Variants in ZNF182 observed in about 807,000 individuals in gnomAD.
The protein encoded by ZNF182 is zinc finger protein 21 (KOX 14).
In ZNF182, 10 loss-of-function variants were observed where a neutral mutation model predicts 28.1. The observed-to-expected ratio is 0.36, with a 90% confidence interval of 0.22 to 0.60. The LOEUF is 0.60. ZNF182 is among the 20% of genes least tolerant of loss of function. ZNF182 has a pLI of 0.75. For synonymous variants in ZNF182, 156 were observed against 158.7 expected (o/e 0.98, Z 0.13); for missense variants, 352 against 453.2 (o/e 0.78, Z 2.03).
At chrX:47,985,769 A>C (rs2058921360) in intron 3 of ZNF182, among the ~76,000 whole-genome samples, 1 of 110,913 alleles carries the variant, frequency 9.0e-6, no homozygotes, top group African/African-American at 3.3e-5. Context: ...TGTTCCTGCA[A>C]CATTATGTTC....
intron 3 of ZNF182, among the ~76,000 whole-genome samples, chrX:47,992,659 C>T (rs782422808): frequency 2.2e-4 from 25 of 111,510 alleles, no homozygotes; most frequent in Non-Finnish European, 4.3e-4. Context: ...CTCTGTGTCC[C>T]GTTGGCCCTG....
At chrX:47,999,565 G>A (rs1213434972) in intron 3 of ZNF182, among the ~76,000 whole-genome samples, 1 of 109,553 alleles carries the variant, frequency 9.1e-6, no homozygotes, top group African/African-American at 3.3e-5. Flanking sequence ...GGGAAGGGTT[G>A]CGGGGTGGGT....
intron 3 of ZNF182, among the ~76,000 whole-genome samples, chrX:47,993,971 T>C (rs1031636377): frequency 1.2e-4 from 13 of 111,568 alleles, no homozygotes; most frequent in Admixed American, 1.9e-4. Context: ...ACAAGAGTAT[T>C]TGAAGAAATA....
At chrX:47,978,734 A>C (rs975787132) in intron 5 of ZNF182, among the ~76,000 whole-genome samples, 7 of 112,427 alleles carry the variant, frequency 6.2e-5, no homozygotes, top group African/African-American at 2.3e-4. Flanking sequence ...GAATCTAGAT[A>C]ACTTTCAAGA....
At position 48,003,560 on chromosome X, in the gene ZNF182, G is replaced by C. The variant is rs1424696514; in HGVS notation, c.-97C>G. ...CGGAAAGAGGCCTTCGGGTGCGGGG[G>C]TGCAGGTTCACTTCGGCCGGAGCAT... is the stretch of plus-strand genomic sequence containing the variant. On this transcript the variant is annotated 5_prime_UTR_variant, in exon 2 of 6. Coordinates refer to ENST00000376943, the MANE Select transcript of ZNF182 (RefSeq NM_001007088.2). 1 of 110,902 alleles carries C rather than the reference G, an allele frequency of 9.0e-6. No homozygotes were observed. The highest frequency in any genetic ancestry group is 9.6e-5 in the Admixed American group (1 of 10,453). 9.1% of individuals were successfully genotyped at this position (110,902 alleles called of 1,213,427 possible).
At chrX:47,991,005 AATG>A (rs1210226983) in intron 3 of ZNF182, among the ~76,000 whole-genome samples, 1 of 111,901 alleles carries the variant, frequency 8.9e-6, no homozygotes, top group African/African-American at 3.3e-5. Flanking sequence ...ATAAAAGAAA[AATG>A]ATGGTTTATG....
Position 47,977,635 on chromosome X carries a change from A to G in ZNF182, c.395T>C (p.Val132Ala). ...TTTATCGGGTCTTTGTATTGAAGCA[A>G]CAAGGTTTGTACTCAGATGAAGTAT... Reference protein sequence around the residue: ...GNILHLSTNLVASIQRPDKHE... With the variant: ...GNILHLSTNLAASIQRPDKHE... Residue 132 changes from valine (V) to alanine (A), a missense_variant, in exon 6 of 6, where the codon GTT (valine) becomes GCT (alanine). Coordinates refer to ENST00000376943, the MANE Select transcript of ZNF182 (RefSeq NM_001007088.2). The G allele has an allele frequency of 8.3e-7, 1 of 1,211,136 alleles. No homozygotes were observed. Among genetic ancestry groups the G allele is most frequent in the Non-Finnish European group, 1.1e-6 (1 of 894,931 alleles).
At chrX:47,980,651 T>C (rs933262169) in intron 5 of ZNF182, among the ~76,000 whole-genome samples, 10 of 111,626 alleles carry the variant, frequency 9.0e-5, no homozygotes, top group African/African-American at 3.3e-4. Flanking sequence ...TATATATTCT[T>C]ATAGGCTCAT....
At chrX:47,988,480 C>A in intron 3 of ZNF182, 1 of 451,388 alleles carries the variant, frequency 2.2e-6, no homozygotes, top group Non-Finnish European at 4.0e-6. Context: ...GAGTCTGGTG[C>A]CTCCCTCCCC....
intron 3 of ZNF182, among the ~76,000 whole-genome samples, chrX:47,998,317 G>A (rs1415021823): frequency 8.2e-5 from 9 of 110,158 alleles, no homozygotes; most frequent in South Asian, 7.7e-4. Context: ...ATCATGAGTC[G>A]GAAACCCAAA....
At chrX:47,983,530 T>C in intron 3 of ZNF182, 119 bp from the exon 4 acceptor site, 1 of 806,234 alleles carries the variant, frequency 1.2e-6, no homozygotes, top group Middle Eastern at 3.0e-4. Context: ...TGGATGCCTA[T>C]TTCATATCAA....
At chrX:47,979,663 T>G (rs1308886158) in intron 5 of ZNF182, among the ~76,000 whole-genome samples, 1 of 111,589 alleles carries the variant, frequency 9.0e-6, no homozygotes, top group Admixed American at 9.6e-5. Flanking sequence ...CTATTATGAC[T>G]TTTAAGAATC....
intron 3 of ZNF182, among the ~76,000 whole-genome samples, chrX:47,987,772 A>G (rs1556899967): frequency 8.9e-6 from 1 of 112,282 alleles, no homozygotes; most frequent in East Asian, 2.8e-4. Flanking sequence ...ACAATGCCCC[A>G]GCAGCAATGA....
chrX:47,979,866 GGTGTGT>G (rs56350180), intron 5 of ZNF182, among the ~76,000 whole-genome samples: 3,088 of 89,733 alleles, frequency 0.034, 42 homozygotes, highest in Middle Eastern at 0.1. Context: ...GTGTGTGTGG[GGTGTGT>G]GTGTGTGTGT....
intron 3 of ZNF182, among the ~76,000 whole-genome samples, chrX:47,987,328 G>A (rs908191199): frequency 7.1e-5 from 8 of 111,948 alleles, no homozygotes; most frequent in African/African-American, 2.6e-4. Flanking sequence ...AAAGTGATTC[G>A]AGAAGGCTAA....
chrX:47,976,936 C>T lies in ZNF182; in HGVS notation c.1094G>A (p.Ser365Asn), dbSNP rs781860344. ...HECNECKKTFSDKSTLIIHQR... is the reference protein window; with the variant it reads ...HECNECKKTFNDKSTLIIHQR... ...GTGTATAATGAGAGTTGACTTATCA[C>T]TGAAAGTTTTCTTACACTCATTACA... is the stretch of plus-strand genomic sequence containing the variant. Residue 365 changes from serine to asparagine, a missense_variant, in exon 6 of 6, where the codon AGT (serine) becomes AAT (asparagine). Physicochemically the swap from Ser to Asn is conservative, Grantham distance 46 (BLOSUM62 1). Transcript: ENST00000376943. The T allele has an allele frequency of 1.7e-6, 2 of 1,208,661 alleles. No homozygotes were observed. The highest frequency in any genetic ancestry group is 3.5e-5 in the African/African-American group (2 of 57,110).
chrX:47,976,399 G>A lies in ZNF182; in HGVS notation c.1631C>T (p.Thr544Met), dbSNP rs782353401. The change falls in exon 6 of 6, where the codon ACG becomes ATG. Residue 544 changes from threonine (T) to methionine (M), a missense_variant. Transcript: ENST00000376943. ...QKSQLIIHQRTHTGEKPYACT... is the reference protein window; with the variant it reads ...QKSQLIIHQRMHTGEKPYACT... ...TGCATAGGGTTTCTCTCCCGTGTGC[G>A]TTCTCTGATGTATTATGAGCTGTGA... 2.3e-4 allele frequency: 280 copies of A among 1,209,227 alleles called. No homozygotes were observed. The highest frequency in any genetic ancestry group is 2.6e-4 in the Admixed American group (12 of 45,612).
At chrX:47,982,419 T>C (rs1051020084) in intron 5 of ZNF182, among the ~76,000 whole-genome samples, 3 of 112,311 alleles carry the variant, frequency 2.7e-5, no homozygotes. Flanking sequence ...GTGAATATAC[T>C]AAAAACTACT....
chrX:48,000,169 T>C (rs889079034), intron 3 of ZNF182, among the ~76,000 whole-genome samples: 5 of 109,738 alleles, frequency 4.6e-5, no homozygotes, highest in African/African-American at 1.7e-4. Flanking sequence ...AATAAAATAA[T>C]AAAGCAAAAA....
Sources: gnomAD v4.1 joint callset for allele counts (sites outside exome capture counted in the v4.1 genomes callset) on GRCh38, gnomAD v4.1.1 for gene constraint, MANE v1.5 for transcripts, NCBI Gene and HGNC (gene_info 2026-07-23, HGNC 2026-07-21) for gene names.